The following TBC1D8 variants were observed in gnomAD, a reference collection of about 807,000 sequenced individuals.
TBC1D8 encodes the protein TBC1 domain family member 8.
Under a neutral mutation model 118.8 loss-of-function variants are expected in TBC1D8, and 65 were observed. The observed-to-expected ratio is 0.55, with a 90% CI of 0.45 to 0.67. The LOEUF (loss-of-function observed/expected upper bound fraction) is 0.67, where lower values mean the gene tolerates loss of function less well. Ranked by LOEUF, TBC1D8 falls within the 30% of genes least tolerant of loss-of-function variation. TBC1D8 has a pLI of 0.00. For synonymous variants in TBC1D8, 566 were observed against 595.8 expected (o/e 0.95, Z 0.73); for missense variants, 1,376 against 1,471.2 (o/e 0.94, Z 1.06).
At chr2:101,035,806 T>C (rs934323232) in intron 9 of TBC1D8, among the ~76,000 whole-genome samples, 4 of 152,154 alleles carry the variant, frequency 2.6e-5, no homozygotes, top group African/African-American at 9.7e-5. Flanking sequence ...ATTTACCCAG[T>C]TGGACGCCAC....
chr2:101,122,126 C>T (rs1213346030), intron 1 of TBC1D8, among the ~76,000 whole-genome samples: 5 of 143,148 alleles, frequency 3.5e-5, no homozygotes, highest in African/African-American at 1.3e-4. Context: ...GGCTGGAGTA[C>T]AATGGCACAA....
At chr2:101,028,684 ACATGCAAGGTTAAGCTTCCAT>A in intron 12 of TBC1D8, 1 of 425,932 alleles carries the variant, frequency 2.3e-6, no homozygotes, top group Non-Finnish European at 4.2e-6. Context: ...TTCTGCGCAT[ACATGCAAGGTTAAGCTTCCAT>A]CATGCTCTGA....
chr2:101,044,519 C>G (rs1042320874), intron 5 of TBC1D8, among the ~76,000 whole-genome samples: 1 of 152,222 alleles, frequency 6.6e-6, no homozygotes, highest in African/African-American at 2.4e-5. Flanking sequence ...CCAGTACTTC[C>G]TAAGTGCCTT....
intron 11 of TBC1D8, 72 bp from the exon 12 acceptor site, chr2:101,029,848 C>T (rs977062582): frequency 2.7e-6 from 4 of 1,477,936 alleles, no homozygotes; most frequent in Non-Finnish European, 3.7e-6. Context: ...AAATTAAAAT[C>T]ACTCTGAGGT....
intron 17 of TBC1D8, among the ~76,000 whole-genome samples, chr2:101,020,234 G>T (rs1028160179): frequency 6.6e-6 from 1 of 151,960 alleles, no homozygotes; most frequent in Non-Finnish European, 1.5e-5. Context: ...AATAATGTTT[G>T]TTTTAAAACC....
Position 101,087,584 on chromosome 2 carries a change from A to C in TBC1D8, c.283+2625T>G, listed in dbSNP as rs138502907. Among the ~76,000 whole-genome samples, 445 of 150,782 alleles carry C rather than the reference A, an allele frequency of 3.0e-3. 5 individuals are homozygous for C. The highest frequency in any genetic ancestry group is 0.011 in the African/African-American group (431 of 41,008). On this transcript the variant is annotated intron_variant, in intron 2 of 19. Coordinates refer to ENST00000409318, the MANE Select transcript of TBC1D8 (RefSeq NM_001330348.2). Reference sequence around the variant, plus strand: ...CTTGAACCCAAGAGGTGGAGGTTGCAGTGAGCTGAGATTACAGCATTGCAC... The same window carrying C: ...CTTGAACCCAAGAGGTGGAGGTTGCCGTGAGCTGAGATTACAGCATTGCAC...
rs974117659 is a variant in TBC1D8, at chr2:101,022,220, G to A, written c.2761+61C>T. The A allele has an allele frequency of 1.2e-5, 19 of 1,607,318 alleles. No homozygotes were observed. In the African/African-American group the frequency reaches 1.7e-4, roughly 15 times the overall value. On this transcript the variant is annotated intron_variant, in intron 16 of 19. Transcript: ENST00000409318. ...TCTGCCTGCTCCGAAGATCCACTTT[G>A]TGTTCTGCTCACAGACCCACACCCC...
intron 2 of TBC1D8, among the ~76,000 whole-genome samples, chr2:101,069,574 G>A (rs970524757): frequency 1.3e-5 from 2 of 151,964 alleles, no homozygotes; most frequent in Admixed American, 6.6e-5. Context: ...CAACAAGAGC[G>A]AAACTCCATC....
chr2:101,105,609 C>CATAT lies in TBC1D8; in HGVS notation c.128-15249_128-15246dup, dbSNP rs56141474. Among the ~76,000 whole-genome samples, 577 of 140,776 alleles carry CATAT rather than the reference C, an allele frequency of 4.1e-3. 5 individuals are homozygous for CATAT. Among genetic ancestry groups the CATAT allele is most frequent in the East Asian group, 0.013 (61 of 4,852 alleles). 92.4% of individuals were successfully genotyped at this position (140,776 alleles called of 152,430 possible). ...TCTCAAATTAAAAAAAAAAAAAAAA[C>CATAT]ATATATATATATATAGTTGTCCAAC... On this transcript the variant is annotated intron_variant, in intron 1 of 19. Coordinates refer to ENST00000409318, the MANE Select transcript of TBC1D8 (RefSeq NM_001330348.2).
At chr2:101,107,660 A>G (rs1257433826) in intron 1 of TBC1D8, among the ~76,000 whole-genome samples, 1 of 152,196 alleles carries the variant, frequency 6.6e-6, no homozygotes, top group Non-Finnish European at 1.5e-5. Context: ...GGTTTCTACT[A>G]CCATGCTCCA....
chr2:101,080,935 A>G (rs1675223905), intron 2 of TBC1D8, among the ~76,000 whole-genome samples: 1 of 151,718 alleles, frequency 6.6e-6, no homozygotes, highest in Non-Finnish European at 1.5e-5. Context: ...TACCAGGCCC[A>G]GCTAATTTTT....
chr2:101,028,513 T>G, intron 12 of TBC1D8, 81 bp from the exon 13 acceptor site: 1 of 1,483,154 alleles, frequency 6.7e-7, no homozygotes, highest in Admixed American at 2.3e-5. Flanking sequence ...GTGTCAGACA[T>G]GCCAGGGCAC....
chr2:101,048,443 C>T (rs1466965898), intron 5 of TBC1D8, among the ~76,000 whole-genome samples: 2 of 152,132 alleles, frequency 1.3e-5, no homozygotes, highest in South Asian at 2.1e-4. Flanking sequence ...CAGGGGGCAA[C>T]GAGCACCCCC....
intron 2 of TBC1D8, among the ~76,000 whole-genome samples, chr2:101,078,042 G>C (rs1010285927): frequency 5.9e-5 from 9 of 151,922 alleles, no homozygotes; most frequent in African/African-American, 2.2e-4. Context: ...CGCAGAAGTG[G>C]GCTCAGCACA....
intron 3 of TBC1D8, among the ~76,000 whole-genome samples, chr2:101,054,661 TC>T (rs1558658897): frequency 1.7e-4 from 7 of 40,544 alleles, no homozygotes; most frequent in African/African-American, 3.3e-4. Flanking sequence ...ACAATCATTT[TC>T]TTTTCTTTTC....
chr2:101,095,880 C>G (rs1261526546), intron 1 of TBC1D8, among the ~76,000 whole-genome samples: 2 of 152,042 alleles, frequency 1.3e-5, no homozygotes, highest in Non-Finnish European at 1.5e-5. Context: ...GTAGGAGGAA[C>G]AGAAATCACT....
At chr2:101,121,894 T>G (rs1355269004) in intron 1 of TBC1D8, among the ~76,000 whole-genome samples, 1 of 151,788 alleles carries the variant, frequency 6.6e-6, no homozygotes, top group Non-Finnish European at 1.5e-5. Context: ...GGTGAAACCC[T>G]GTCTCTACTA....
At position 101,029,502 on chromosome 2, in the gene TBC1D8, C is replaced by G. The variant is rs781643079; in HGVS notation, c.2211G>C (p.Met737Ile). The stretch of plus-strand genomic sequence containing the variant: ...GCAGCGGGGCCCACCTGCTGAGGAT[C>G]ATCAAGGCCTGGCCATCATCCTTGC... Reference protein sequence around the residue: ...CSSKDDGQALMILSRFLDHIK... With the variant: ...CSSKDDGQALIILSRFLDHIK... The change falls in exon 12 of 20, where the codon ATG becomes ATC. Residue 737 changes from methionine (M) to isoleucine (I), a missense_variant. By Grantham distance (10) the Met-to-Ile change is conservative (BLOSUM62 1). Transcript: ENST00000409318. 6.4e-5 allele frequency: 103 copies of G among 1,611,998 alleles called. No individual in the cohort carries two copies. Among genetic ancestry groups the G allele is most frequent in the Middle Eastern group, 5.0e-4 (3 of 5,988 alleles).
At chr2:101,022,725 CATT>C (rs1162192505) in intron 15 of TBC1D8, among the ~76,000 whole-genome samples, 1 of 152,284 alleles carries the variant, frequency 6.6e-6, no homozygotes, top group South Asian at 2.1e-4. Flanking sequence ...TTTTCTTTCT[CATT>C]GTGGTAAAAT....
Sources: gnomAD v4.1 joint callset for allele counts (sites outside exome capture counted in the v4.1 genomes callset) on GRCh38, gnomAD v4.1.1 for gene constraint, MANE v1.5 for transcripts, NCBI Gene and HGNC (gene_info 2026-07-23, HGNC 2026-07-21) for gene names.